STXBP5L: variants seen among roughly 807,000 people sequenced by gnomAD.
STXBP5L encodes syntaxin binding protein 5L.
A neutral mutation model predicts 144.5 loss-of-function variants in STXBP5L; 65 were observed. The observed-to-expected ratio is 0.45, with a 90% confidence interval of 0.37 to 0.55. The LOEUF is 0.55. Ranked by LOEUF, STXBP5L falls within the 20% of genes least tolerant of loss-of-function variation. The pLI is 0.00. For missense variants in STXBP5L, 1,298 were observed against 1,405.5 expected, an observed-to-expected ratio of 0.92 and a Z score of 1.22; for synonymous variants, 505 against 469.6, an observed-to-expected ratio of 1.08 and a Z score of -0.97.
intron 22 of STXBP5L, among the ~76,000 whole-genome samples, chr3:121,406,718 CTT>C (rs757453210): frequency 9.2e-5 from 14 of 151,908 alleles, no homozygotes; most frequent in South Asian, 2.1e-4. Flanking sequence ...GAAATTTCTT[CTT>C]GTTTGATTTT....
chr3:121,120,299 A>G (rs765567054), intron 6 of STXBP5L, among the ~76,000 whole-genome samples: 2 of 151,304 alleles, frequency 1.3e-5, no homozygotes, highest in Non-Finnish European at 3.0e-5. Context: ...TTATACCTTT[A>G]TAGAACACTG....
chr3:121,043,939 C>T (rs1947333029), intron 4 of STXBP5L, among the ~76,000 whole-genome samples: 1 of 152,032 alleles, frequency 6.6e-6, no homozygotes. Flanking sequence ...AGAAATGAGA[C>T]CAGTATACTG....
chr3:121,422,841 T>C lies in STXBP5L; in HGVS notation c.*3744T>C, dbSNP rs1576389790. 1 of 152,312 alleles carries C rather than the reference T, an allele frequency of 6.6e-6. No homozygotes were observed. The allele number at this position is 152,312 out of a possible 1,614,324, so 9.4% of individuals were successfully genotyped here. Reference sequence around the variant, plus strand: ...AAGGTTTACTGTTGGAGTCCCTTTTTATGTGACCCATGTACCAGTTTTAAA... The same window carrying C: ...AAGGTTTACTGTTGGAGTCCCTTTTCATGTGACCCATGTACCAGTTTTAAA... On this transcript the variant is annotated 3_prime_UTR_variant, in exon 27 of 27. Transcript: ENST00000471454.
chr3:121,210,006 C>A (rs2048494520), intron 10 of STXBP5L, among the ~76,000 whole-genome samples: 1 of 152,196 alleles, frequency 6.6e-6, no homozygotes, highest in Non-Finnish European at 1.5e-5. Flanking sequence ...GAGGACTCAC[C>A]ACACTGTCTT....
intron 4 of STXBP5L, 40 bp from the exon 5 acceptor site, chr3:121,045,395 A>C: frequency 6.5e-7 from 1 of 1,549,736 alleles, no homozygotes; most frequent in Non-Finnish European, 8.7e-7. Context: ...ACCCTAAATT[A>C]AGTAAATCAC....
chr3:120,992,938 T>G (rs1237889106), intron 3 of STXBP5L, among the ~76,000 whole-genome samples: 8 of 152,138 alleles, frequency 5.3e-5, no homozygotes, highest in Non-Finnish European at 1.2e-4. Context: ...AAGAGTTCCT[T>G]TTCTCCACAT....
At chr3:121,023,003 A>G (rs1186717352) in intron 3 of STXBP5L, among the ~76,000 whole-genome samples, 1 of 152,060 alleles carries the variant, frequency 6.6e-6, no homozygotes, top group Admixed American at 6.5e-5. Context: ...AGAAAACTCT[A>G]AAGACTCATC....
chr3:121,018,294 A>T (rs1231636300), intron 3 of STXBP5L, among the ~76,000 whole-genome samples: 1 of 152,194 alleles, frequency 6.6e-6, no homozygotes, highest in East Asian at 1.9e-4. Context: ...AGCAGTTGGG[A>T]GACTGTCATT....
In STXBP5L at chr3:121,219,231, A is replaced by C. The variant is rs532182392; in HGVS notation, c.957-3772A>C. On this transcript the variant is annotated intron_variant, in intron 10 of 26. Coordinates refer to ENST00000471454, the MANE Select transcript of STXBP5L (RefSeq NM_001308330.2). ...GGGGCAGTGAGGTTAAGAATACTAA[A>C]ATTTATTGCCACAGCAAAATGGGCC... Among the ~76,000 whole-genome samples the C allele has an allele frequency of 4.6e-4, 70 of 152,244 alleles. 1 individual carries two copies. Among genetic ancestry groups the C allele is most frequent in the African/African-American group, 1.5e-3 (64 of 41,536 alleles).
chr3:121,233,186 C>T (rs1366515066), intron 11 of STXBP5L, among the ~76,000 whole-genome samples: 1 of 152,110 alleles, frequency 6.6e-6, no homozygotes, highest in Non-Finnish European at 1.5e-5. Flanking sequence ...CAGTGTTGCT[C>T]TTATACAGAT....
chr3:121,138,932 A>G (rs549394495), intron 7 of STXBP5L, among the ~76,000 whole-genome samples: 8 of 152,142 alleles, frequency 5.3e-5, no homozygotes, highest in African/African-American at 1.4e-4. Context: ...AAATGTTCGC[A>G]TAGCAAAGGA....
In STXBP5L at chr3:121,302,447, A is replaced by C. The variant is rs535217790; in HGVS notation, c.2111-16028A>C. On this transcript the variant is annotated intron_variant, in intron 19 of 26. Transcript: ENST00000471454. Reference sequence around the variant, plus strand: ...ATTCTTTTCTCTTTTCTTCTTTATTAGTCTTGCTAGCGGTCTATCAATATT... The same window carrying C: ...ATTCTTTTCTCTTTTCTTCTTTATTCGTCTTGCTAGCGGTCTATCAATATT... Among the ~76,000 whole-genome samples, 8 of 151,958 alleles carry C rather than the reference A, an allele frequency of 5.3e-5. 1 individual carries two copies. Among genetic ancestry groups the C allele is most frequent in the Admixed American group, 1.3e-4 (2 of 15,246 alleles).
At chr3:121,071,560 A>G (rs2041812813) in intron 5 of STXBP5L, among the ~76,000 whole-genome samples, 2 of 152,216 alleles carry the variant, frequency 1.3e-5, no homozygotes, top group Non-Finnish European at 1.5e-5. Flanking sequence ...TCAGCCAGCT[A>G]TGATGAACCC....
rs1249020238 is a variant in STXBP5L, at chr3:121,047,496, T to C, written c.470+1961T>C. Among the ~76,000 whole-genome samples, 4 of 152,196 alleles carry C rather than the reference T, an allele frequency of 2.6e-5. No homozygotes were observed. The East Asian group carries it at 5.8e-4, about 22-fold the overall frequency. ...TATTGTGTGGGAATCTAAGTCTCTTTGTAGGTCTCTAAGAACTCGCTTTAT... is the reference window on the plus strand; with the variant it reads ...TATTGTGTGGGAATCTAAGTCTCTTCGTAGGTCTCTAAGAACTCGCTTTAT... On this transcript the variant is annotated intron_variant, in intron 5 of 26. Coordinates refer to ENST00000471454, the MANE Select transcript of STXBP5L (RefSeq NM_001308330.2).
At chr3:120,997,335 G>T (rs1319086553) in intron 3 of STXBP5L, among the ~76,000 whole-genome samples, 10 of 152,112 alleles carry the variant, frequency 6.6e-5, no homozygotes, top group Admixed American at 6.6e-4. Context: ...TTGAATGATA[G>T]TTCTGTTTTA....
At chr3:121,022,771 C>T (rs1945655481) in intron 3 of STXBP5L, among the ~76,000 whole-genome samples, 1 of 151,954 alleles carries the variant, frequency 6.6e-6, no homozygotes, top group African/African-American at 2.4e-5. Context: ...AAGGTAAAGC[C>T]ATCTGTGACA....
At chr3:121,301,727 C>A (rs929095507) in intron 19 of STXBP5L, among the ~76,000 whole-genome samples, 12 of 152,082 alleles carry the variant, frequency 7.9e-5, no homozygotes, top group Admixed American at 4.6e-4. Flanking sequence ...CCCATCAATA[C>A]CTAATTTATT....
chr3:121,159,486 GT>G (rs1231278114), intron 9 of STXBP5L, among the ~76,000 whole-genome samples: 1 of 151,988 alleles, frequency 6.6e-6, no homozygotes, highest in African/African-American at 2.4e-5. Flanking sequence ...TTCTAAGCAT[GT>G]TTTTTATGAT....
chr3:121,082,348 T>TGTATTTTTTTGATTGTGAGTG (rs2042288738), intron 5 of STXBP5L, among the ~76,000 whole-genome samples: 1 of 152,204 alleles, frequency 6.6e-6, no homozygotes, highest in Non-Finnish European at 1.5e-5. Flanking sequence ...TCTATACCTA[T>TGTATTTTTTTGATTGTGAGTG]GTATTTTTTT....
Sources: gnomAD v4.1 joint callset for allele counts (sites outside exome capture counted in the v4.1 genomes callset) on GRCh38, gnomAD v4.1.1 for gene constraint, MANE v1.5 for transcripts, NCBI Gene and HGNC (gene_info 2026-07-23, HGNC 2026-07-21) for gene names.